Variants in PCDHA9 observed in about 807,000 individuals in gnomAD.
The protein encoded by PCDHA9 is protocadherin alpha 9.
A neutral mutation model predicts 62.0 loss-of-function variants in PCDHA9; 62 were observed. That is an observed-to-expected ratio of 1.00 (90% CI 0.81 to 1.23). The LOEUF (loss-of-function observed/expected upper bound fraction) is 1.23. Ranked by LOEUF, PCDHA9 falls within the 50% of genes most tolerant of loss-of-function variation. PCDHA9 has a pLI of 0.00. For synonymous variants in PCDHA9, 557 were observed against 567.6 expected (o/e 0.98, Z 0.27); for missense variants, 1,205 against 1,249.8 (o/e 0.96, Z 0.54).
At chr5:140,870,452 A>G in intron 1 of PCDHA9, 1 of 1,614,168 alleles carries the variant, frequency 6.2e-7, no homozygotes, top group Non-Finnish European at 8.5e-7. Context: ...GTGAACGACA[A>G]TGCGCCTGCG....
chr5:140,955,324 T>G (rs1358791050), intron 1 of PCDHA9, among the ~76,000 whole-genome samples: 8 of 152,186 alleles, frequency 5.3e-5, no homozygotes, highest in Non-Finnish European at 8.8e-5. Flanking sequence ...CCTTGAATTG[T>G]AGTTCCCATA....
At chr5:140,904,560 T>G (rs2071228381) in intron 1 of PCDHA9, among the ~76,000 whole-genome samples, 1 of 152,102 alleles carries the variant, frequency 6.6e-6, no homozygotes, top group African/African-American at 2.4e-5. Flanking sequence ...AATGACTTTT[T>G]TTTCCTCTGG....
intron 1 of PCDHA9, among the ~76,000 whole-genome samples, chr5:140,915,956 A>G (rs1170172761): frequency 6.6e-6 from 1 of 151,996 alleles, no homozygotes; most frequent in African/African-American, 2.4e-5. Flanking sequence ...ATACTTAGAA[A>G]TTTGCCTGAT....
At chr5:141,009,104 T>G (rs2098399543) in intron 3 of PCDHA9, among the ~76,000 whole-genome samples, 1 of 152,220 alleles carries the variant, frequency 6.6e-6, no homozygotes, top group Non-Finnish European at 1.5e-5. Flanking sequence ...CATATGTTAC[T>G]ATGAAACTAG....
rs782257127 is a variant in PCDHA9, at chr5:140,870,719, C to G, written c.2394+19830C>G. On this transcript the variant is annotated intron_variant, in intron 1 of 3. Coordinates refer to ENST00000532602, the MANE Select transcript of PCDHA9 (RefSeq NM_031857.2). ...CAGTTCCAGGTGAGCGCGCGCGATG[C>G]GGGCGTGCCGCCTCTGAGCAGCAAC... 3.7e-6 allele frequency: 6 copies of G among 1,612,966 alleles called. No homozygotes were observed. In the African/African-American group the frequency reaches 4.0e-5, roughly 11 times the overall value.
chr5:140,872,785 C>T (rs781982200), intron 1 of PCDHA9, among the ~76,000 whole-genome samples: 12 of 152,072 alleles, frequency 7.9e-5, no homozygotes, highest in Non-Finnish European at 1.3e-4. Context: ...ATAATATATG[C>T]TAGTTGGCAT....
intron 1 of PCDHA9, among the ~76,000 whole-genome samples, chr5:140,940,086 A>C (rs373629874): frequency 6.6e-6 from 1 of 152,214 alleles, no homozygotes; most frequent in Non-Finnish European, 1.5e-5. Flanking sequence ...TTTCTGCTAA[A>C]TTGAAACTTT....
At position 141,010,305 on chromosome 5, in the gene PCDHA9, G is replaced by GT; in HGVS notation, c.*372dup. 1 of 1,548,478 alleles carries GT rather than the reference G, an allele frequency of 6.5e-7. No homozygotes were observed. Among genetic ancestry groups the GT allele is most frequent in the Non-Finnish European group, 8.7e-7 (1 of 1,146,036 alleles). On this transcript the variant is annotated 3_prime_UTR_variant, in exon 4 of 4. Transcript: ENST00000532602. ...TGACACTTGCAGGGCAGGCTGAAAAGTTTTGAGATTGAGCAGCTTGGGAGT... is the reference window on the plus strand; with the variant it reads ...TGACACTTGCAGGGCAGGCTGAAAAGTTTTTGAGATTGAGCAGCTTGGGAGT...
chr5:140,985,955 G>A (rs1284756138), intron 3 of PCDHA9, among the ~76,000 whole-genome samples: 1 of 151,674 alleles, frequency 6.6e-6, no homozygotes, highest in Non-Finnish European at 1.5e-5. Flanking sequence ...TAGCCAGGAT[G>A]GTCTCAATCT....
intron 1 of PCDHA9, among the ~76,000 whole-genome samples, chr5:140,903,607 A>G (rs938837767): frequency 6.6e-6 from 1 of 152,254 alleles, no homozygotes; most frequent in Non-Finnish European, 1.5e-5. Context: ...TGCTTAATAC[A>G]CATGAATGTG....
intron 1 of PCDHA9, among the ~76,000 whole-genome samples, chr5:140,963,588 A>G (rs1554226668): frequency 6.6e-6 from 1 of 152,218 alleles, no homozygotes; most frequent in African/African-American, 2.4e-5. Flanking sequence ...AATGTAGGAT[A>G]TAGTTCTAGA....
intron 1 of PCDHA9, among the ~76,000 whole-genome samples, chr5:140,901,174 G>C (rs782712619): frequency 1.3e-5 from 2 of 152,050 alleles, no homozygotes; most frequent in Non-Finnish European, 2.9e-5. Flanking sequence ...TCTTCACTTT[G>C]TTGATTGTTT....
chr5:141,010,321 G>A lies in PCDHA9; in HGVS notation c.*384G>A. The A allele has an allele frequency of 1.3e-6, 2 of 1,541,244 alleles. No individual in the cohort carries two copies. Among genetic ancestry groups the A allele is most frequent in the South Asian group, 1.2e-5 (1 of 82,726 alleles). On this transcript the variant is annotated 3_prime_UTR_variant, in exon 4 of 4. Transcript: ENST00000532602. ...GGCTGAAAAGTTTTGAGATTGAGCA[G>A]CTTGGGAGTTTGTGGCCACTGGGTA...
chr5:140,868,968 C>G (rs782210353), intron 1 of PCDHA9: 16 of 1,446,356 alleles, frequency 1.1e-5, no homozygotes, highest in Middle Eastern at 2.0e-4. Flanking sequence ...TACAAAGGAA[C>G]TCCATCATAC....
intron 1 of PCDHA9, among the ~76,000 whole-genome samples, chr5:140,873,502 T>C (rs1554166743): frequency 3.3e-5 from 5 of 152,346 alleles, no homozygotes; most frequent in Non-Finnish European, 7.3e-5. Context: ...AGTTGTGTCT[T>C]TTATACTTAA....
At chr5:140,863,351 C>T in intron 1 of PCDHA9, 1 of 1,288,680 alleles carries the variant, frequency 7.8e-7, no homozygotes, top group Non-Finnish European at 1.1e-6. Context: ...CTGTACACGA[C>T]GCTGCGGTGC....
intron 1 of PCDHA9, among the ~76,000 whole-genome samples, chr5:140,932,462 A>G (rs549858141): frequency 6.6e-6 from 1 of 152,022 alleles, no homozygotes; most frequent in African/African-American, 2.4e-5. Flanking sequence ...GCCAGGGTAT[A>G]TAGGAAATAG....
intron 1 of PCDHA9, among the ~76,000 whole-genome samples, chr5:140,913,589 T>G (rs1342360734): frequency 6.6e-6 from 1 of 152,168 alleles, no homozygotes; most frequent in Non-Finnish European, 1.5e-5. Context: ...TATTTCTGCT[T>G]TGATCTTTAT....
chr5:140,886,961 C>T (rs1340952035), intron 1 of PCDHA9, among the ~76,000 whole-genome samples: 1 of 151,926 alleles, frequency 6.6e-6, no homozygotes, highest in South Asian at 2.1e-4. Context: ...CATTTAGCAA[C>T]GAAATTTATT....
Sources: allele counts gnomAD v4.1 joint callset (sites outside exome capture counted in the v4.1 genomes callset), GRCh38; gene constraint gnomAD v4.1.1; transcripts MANE v1.5; gene names NCBI Gene and HGNC (gene_info 2026-07-23, HGNC 2026-07-21).